Variants in STK26 observed in about 807,000 individuals in gnomAD.
The protein encoded by STK26 is serine/threonine-protein kinase 26.
In STK26, 14 loss-of-function variants were observed where a neutral mutation model predicts 34.7. The ratio of observed to expected loss-of-function variants is 0.40; its 90% CI spans 0.27 to 0.63. The LOEUF is 0.63. Among genes scored for constraint, STK26 ranks in the 30% least tolerant of loss-of-function variants. The probability of loss-of-function intolerance (pLI) is 0.38; values close to 1 mark genes in which losing one functional copy is unlikely to be tolerated. For synonymous variants in STK26, 100 were observed against 109.8 expected (o/e 0.91, Z 0.56); for missense variants, 226 against 309.1 (o/e 0.73, Z 2.02).
intron 2 of STK26, among the ~76,000 whole-genome samples, chrX:132,029,525 A>C (rs1925747707): frequency 9.2e-6 from 1 of 108,854 alleles, no homozygotes; most frequent in African/African-American, 3.4e-5. Flanking sequence ...GATAACCCAC[A>C]TTTTTCTTTT....
Position 132,072,838 on chromosome X carries a change from G to C in STK26, c.1052G>C (p.Ser351Thr). The C allele has an allele frequency of 2.5e-6, 3 of 1,210,994 alleles. No individual in the cohort carries two copies. Among genetic ancestry groups the C allele is most frequent in the Non-Finnish European group, 3.4e-6 (3 of 894,718 alleles). Residue 351 changes from serine (S) to threonine (T), a missense_variant, in exon 10 of 12, where the codon AGT (serine) becomes ACT (threonine). By Grantham distance (58) the Ser-to-Thr change is moderately conservative. Transcript: ENST00000394334. ...GAGCAAGATCTTGTGCAAACCCTGA[G>C]TTGTTTGTCTATGATAATCACACCT... ...GAEQDLVQTL[S>T]CLSMIITPAF...
chrX:132,068,431 A>G lies in STK26; in HGVS notation c.459A>G (p.Ser153=). Residue 153 remains serine (S), a synonymous_variant, in exon 6 of 12, where the codon TCA becomes TCG. Coordinates refer to ENST00000394334, the MANE Select transcript of STK26 (RefSeq NM_016542.4). ...TCCTAGCTGCCAATGTCTTGCTCTC[A>G]GAACAAGGAGATGTTAAACTTGCTG... is the stretch of plus-strand genomic sequence containing the variant. ...RDIKAANVLL[S]EQGDVKLADF... is the part of the protein sequence containing the mutation. 8.3e-7 allele frequency: 1 copy of G among 1,209,971 alleles called. No individual in the cohort carries two copies. Among genetic ancestry groups the G allele is most frequent in the South Asian group, 1.8e-5 (1 of 56,680 alleles).
At chrX:132,070,000 C>T (rs1927363873) in intron 7 of STK26, among the ~76,000 whole-genome samples, 1 of 110,494 alleles carries the variant, frequency 9.1e-6, no homozygotes, top group Admixed American at 9.6e-5. Flanking sequence ...GATTTTTGTT[C>T]AACTGTTTTC....
intron 2 of STK26, among the ~76,000 whole-genome samples, chrX:132,042,507 A>G (rs1018840852): frequency 9.0e-6 from 1 of 111,044 alleles, no homozygotes; most frequent in African/African-American, 3.3e-5. Context: ...AGGTACAACT[A>G]TTTCACACAT....
At chrX:132,024,368 A>G (rs1040584549) in intron 2 of STK26, among the ~76,000 whole-genome samples, 1 of 111,464 alleles carries the variant, frequency 9.0e-6, no homozygotes, top group African/African-American at 3.3e-5. Flanking sequence ...GGACTACTGC[A>G]TGGGACCCAA....
At chrX:132,029,976 A>G (rs1339617573) in intron 2 of STK26, among the ~76,000 whole-genome samples, 1 of 111,820 alleles carries the variant, frequency 8.9e-6, no homozygotes, top group Non-Finnish European at 1.9e-5. Context: ...GGTATGAATT[A>G]TATGTAAAAT....
intron 3 of STK26, among the ~76,000 whole-genome samples, chrX:132,056,383 G>A (rs1926858417): frequency 8.9e-6 from 1 of 112,161 alleles, no homozygotes; most frequent in Admixed American, 9.4e-5. Flanking sequence ...TGAGGGCATA[G>A]GAGTATAGTT....
intron 3 of STK26, among the ~76,000 whole-genome samples, chrX:132,061,449 C>T (rs1308908570): frequency 9.0e-6 from 1 of 111,730 alleles, no homozygotes; most frequent in African/African-American, 3.3e-5. Flanking sequence ...AATTTATTTC[C>T]TCTATTTCCT....
chrX:132,073,544 CA>C (rs1602783323), intron 11 of STK26, among the ~76,000 whole-genome samples: 2 of 111,298 alleles, frequency 1.8e-5, no homozygotes, highest in Non-Finnish European at 3.8e-5. Flanking sequence ...CAATCCAGAC[CA>C]AAAAAGGGCT....
At chrX:132,069,755 T>C (rs5930544) in intron 7 of STK26, 92 bp downstream of exon 7, 178,816 of 550,587 alleles carry the variant, frequency 0.32, 22,739 homozygotes, top group African/African-American at 0.43. Flanking sequence ...GAATACAGTG[T>C]ATGTGAGAAT....
At chrX:132,065,316 C>T (rs902428161) in intron 4 of STK26, among the ~76,000 whole-genome samples, 10 of 111,994 alleles carry the variant, frequency 8.9e-5, no homozygotes, top group Non-Finnish European at 1.3e-4. Flanking sequence ...TCAATTGTTT[C>T]ATGATCCTCC....
chrX:132,026,597 CTTAAGT>C (rs901168974), intron 2 of STK26, among the ~76,000 whole-genome samples: 4 of 112,209 alleles, frequency 3.6e-5, no homozygotes, highest in Non-Finnish European at 5.6e-5. Flanking sequence ...ATAAATCATA[CTTAAGT>C]TTAAGATATT....
At position 132,071,108 on chromosome X, in the gene STK26, G is replaced by T; in HGVS notation, c.823G>T (p.Val275Leu). ...AGAACTTCTGAAACACAAATTCATT[G>T]TAAAAAATTCAAAGAAGACTTCTTA... Reference protein sequence around the residue: ...AKELLKHKFIVKNSKKTSYLT... With the variant: ...AKELLKHKFILKNSKKTSYLT... The change falls in exon 8 of 12, where the codon GTA (valine) becomes TTA (leucine). Residue 275 changes from valine (V) to leucine (L), a missense_variant. Transcript: ENST00000394334. 1 of 1,207,688 alleles carries T rather than the reference G, an allele frequency of 8.3e-7. No individual in the cohort carries two copies. Among genetic ancestry groups the T allele is most frequent in the African/African-American group, 1.7e-5 (1 of 57,725 alleles).
chrX:132,069,922 G>A (rs1927360934), intron 7 of STK26, among the ~76,000 whole-genome samples: 1 of 111,009 alleles, frequency 9.0e-6, no homozygotes. Context: ...CTTTCAGGGG[G>A]AAATAAATTT....
intron 2 of STK26, among the ~76,000 whole-genome samples, chrX:132,051,252 G>A (rs1295260795): frequency 9.0e-6 from 1 of 111,620 alleles, no homozygotes; most frequent in Non-Finnish European, 1.9e-5. Flanking sequence ...TGTTTTAGTG[G>A]TAATGATACC....
At chrX:132,073,795 G>A (rs916645291) in intron 11 of STK26, among the ~76,000 whole-genome samples, 1 of 111,119 alleles carries the variant, frequency 9.0e-6, no homozygotes, top group African/African-American at 3.3e-5. Flanking sequence ...ATGCCACTGG[G>A]ATCGAGATGG....
intron 2 of STK26, among the ~76,000 whole-genome samples, chrX:132,047,834 C>G (rs1223179554): frequency 5.4e-5 from 6 of 111,640 alleles, no homozygotes; most frequent in Non-Finnish European, 1.1e-4. Context: ...AAACCCCAAC[C>G]ACCACAGTCT....
Position 132,023,570 on chromosome X carries a change from C to T in STK26, c.-48C>T. 1.7e-6 allele frequency: 2 copies of T among 1,165,074 alleles called. No homozygotes were observed. The highest frequency in any genetic ancestry group is 2.3e-6 in the Non-Finnish European group (2 of 870,944). On this transcript the variant is annotated 5_prime_UTR_variant, in exon 2 of 12. Coordinates refer to ENST00000394334, the MANE Select transcript of STK26 (RefSeq NM_016542.4). ...CCCCGGAGGGAGGAGCCAGTCCGAACCCAAGGCGCCACCGCCGCAGAAGCG... is the reference window on the plus strand; with the variant it reads ...CCCCGGAGGGAGGAGCCAGTCCGAATCCAAGGCGCCACCGCCGCAGAAGCG...
intron 2 of STK26, among the ~76,000 whole-genome samples, chrX:132,036,428 C>G (rs1926052202): frequency 9.0e-6 from 1 of 111,531 alleles, no homozygotes; most frequent in Admixed American, 9.5e-5. Context: ...AACCCTGTCT[C>G]TACTCAAAAT....
Sources: gnomAD v4.1 joint callset for allele counts (sites outside exome capture counted in the v4.1 genomes callset) on GRCh38, gnomAD v4.1.1 for gene constraint, MANE v1.5 for transcripts, NCBI Gene and HGNC (gene_info 2026-07-23, HGNC 2026-07-21) for gene names.